Variants in SKAP1 observed in about 807,000 individuals in gnomAD.
The protein encoded by SKAP1 is src kinase-associated phosphoprotein 1.
Under a neutral mutation model 58.5 loss-of-function variants are expected in SKAP1, and 44 were observed. The observed-to-expected ratio is 0.75, with a 90% confidence interval of 0.59 to 0.97. The LOEUF (loss-of-function observed/expected upper bound fraction) is 0.97. SKAP1 is among the 50% of genes least tolerant of loss of function. The probability of loss-of-function intolerance (pLI) is 0.00; values close to 1 mark genes in which losing one functional copy is unlikely to be tolerated. For synonymous variants in SKAP1, 127 were observed against 149.7 expected, an observed-to-expected ratio of 0.85 and a Z score of 1.11; for missense variants, 390 against 435.2, an observed-to-expected ratio of 0.90 and a Z score of 0.92.
chr17:48,162,602 G>A (rs758622768), intron 10 of SKAP1, 33 bp from the exon 11 acceptor site: 66 of 1,554,060 alleles, frequency 4.2e-5, no homozygotes, highest in Non-Finnish European at 7.1e-6. Flanking sequence ...AAAGTTAAAA[G>A]GACTCTATTT....
At chr17:48,181,642 T>C (rs1158405485) in intron 8 of SKAP1, among the ~76,000 whole-genome samples, 2 of 152,238 alleles carry the variant, frequency 1.3e-5, no homozygotes, top group Non-Finnish European at 2.9e-5. Context: ...CGTGTGTCTT[T>C]CTAGGTCTTG....
At chr17:48,335,568 G>T (rs559198060) in intron 4 of SKAP1, among the ~76,000 whole-genome samples, 7 of 152,024 alleles carry the variant, frequency 4.6e-5, no homozygotes, top group Non-Finnish European at 1.0e-4. Flanking sequence ...TATCTGAAAT[G>T]TGTCCACCAT....
At chr17:48,140,365 C>T (rs2063753870) in intron 11 of SKAP1, among the ~76,000 whole-genome samples, 1 of 152,196 alleles carries the variant, frequency 6.6e-6, no homozygotes, top group Non-Finnish European at 1.5e-5. Flanking sequence ...TCTACTTCTT[C>T]TCATTCTCCT....
chr17:48,185,849 G>A (rs1463900257), intron 6 of SKAP1: 5 of 152,314 alleles, frequency 3.3e-5, no homozygotes, highest in Non-Finnish European at 4.4e-5. Flanking sequence ...ATGGAACAGT[G>A]CTTTTTGACA....
intron 9 of SKAP1, among the ~76,000 whole-genome samples, chr17:48,174,326 C>T (rs1182421332): frequency 1.3e-5 from 2 of 152,184 alleles, no homozygotes; most frequent in South Asian, 2.1e-4. Context: ...ATGGGCTTGG[C>T]GCTATGCCTC....
intron 2 of SKAP1, among the ~76,000 whole-genome samples, 162 bp from the exon 3 acceptor site, chr17:48,363,976 G>A (rs1278718984): frequency 6.6e-6 from 1 of 152,186 alleles, no homozygotes; most frequent in Non-Finnish European, 1.5e-5. Flanking sequence ...TTATCCCTGA[G>A]ATTTGAAAGA....
At chr17:48,250,588 GT>G (rs1181928683) in intron 4 of SKAP1, among the ~76,000 whole-genome samples, 4 of 151,878 alleles carry the variant, frequency 2.6e-5, no homozygotes, top group Admixed American at 2.0e-4. Flanking sequence ...GCCATAGATA[GT>G]TTTTTTAAGC....
chr17:48,201,443 G>T (rs1316680413), intron 4 of SKAP1, among the ~76,000 whole-genome samples: 1 of 151,760 alleles, frequency 6.6e-6, no homozygotes, highest in Non-Finnish European at 1.5e-5. Flanking sequence ...GTGCAGTGGT[G>T]CAATCATGGC....
chr17:48,286,932 CTAA>C (rs2065837282), intron 4 of SKAP1, among the ~76,000 whole-genome samples: 1 of 152,058 alleles, frequency 6.6e-6, no homozygotes, highest in African/African-American at 2.4e-5. Context: ...CCTGTCTCTA[CTAA>C]TAACACAAAA....
intron 4 of SKAP1, among the ~76,000 whole-genome samples, chr17:48,209,312 A>G (rs2064844529): frequency 2.6e-5 from 4 of 152,180 alleles, no homozygotes; most frequent in African/African-American, 7.2e-5. Context: ...CAAACCTCCT[A>G]TTTAACTTGG....
chr17:48,394,740 T>C (rs1338497039), intron 2 of SKAP1, among the ~76,000 whole-genome samples: 1 of 152,138 alleles, frequency 6.6e-6, no homozygotes, highest in Non-Finnish European at 1.5e-5. Context: ...TAAGTAAATG[T>C]GGCAGCTATA....
At chr17:48,183,814 A>G (rs1187168779) in intron 7 of SKAP1, among the ~76,000 whole-genome samples, 2 of 152,178 alleles carry the variant, frequency 1.3e-5, no homozygotes, top group Admixed American at 6.5e-5. Flanking sequence ...CTTTAACAAA[A>G]TAAGAGTTAA....
chr17:48,272,784 T>C (rs112147946), intron 4 of SKAP1, among the ~76,000 whole-genome samples: 12,659 of 152,156 alleles, frequency 0.083, 691 homozygotes, highest in East Asian at 0.2. Context: ...CTCGAACTCC[T>C]GAGCTCAAGC....
intron 9 of SKAP1, among the ~76,000 whole-genome samples, chr17:48,175,351 A>C (rs969378809): frequency 6.6e-6 from 1 of 152,240 alleles, no homozygotes; most frequent in African/African-American, 2.4e-5. Context: ...ACAGAAATAC[A>C]GATAGACTCA....
intron 3 of SKAP1, among the ~76,000 whole-genome samples, chr17:48,358,278 A>G (rs1326395242): frequency 6.6e-6 from 1 of 152,218 alleles, no homozygotes; most frequent in Non-Finnish European, 1.5e-5. Context: ...TATTTTCATA[A>G]ATAAAATTTA....
the SKAP1 span, among the ~76,000 whole-genome samples, chr17:48,438,896 T>C: frequency 1.3e-5 from 2 of 151,886 alleles, no homozygotes; most frequent in African/African-American, 4.8e-5. Flanking sequence ...GTTGATGGCC[T>C]AGAGATGAGG....
chr17:48,262,035 C>G (rs192929074), intron 4 of SKAP1, among the ~76,000 whole-genome samples: 35 of 152,290 alleles, frequency 2.3e-4, no homozygotes, highest in Non-Finnish European at 4.9e-4. Flanking sequence ...TCTGCAACTT[C>G]GAATTGCCTG....
At chr17:48,313,427 A>G (rs2066250639) in intron 4 of SKAP1, among the ~76,000 whole-genome samples, 1 of 152,192 alleles carries the variant, frequency 6.6e-6, no homozygotes, top group African/African-American at 2.4e-5. Context: ...ATCATAGAAC[A>G]CTTTCAGTCT....
intron 4 of SKAP1, among the ~76,000 whole-genome samples, chr17:48,310,693 A>C (rs1263705940): frequency 6.6e-6 from 1 of 152,220 alleles, no homozygotes; most frequent in African/African-American, 2.4e-5. Context: ...AAATCGGAAA[A>C]TAATAATTTC....
Sources: gnomAD v4.1 joint callset for allele counts (sites outside exome capture counted in the v4.1 genomes callset) on GRCh38, gnomAD v4.1.1 for gene constraint, MANE v1.5 for transcripts, NCBI Gene and HGNC (gene_info 2026-07-23, HGNC 2026-07-21) for gene names.